Variants in SATB2 observed in about 807,000 individuals in gnomAD.
SATB2 encodes SATB homeobox 2.
Under a neutral mutation model 73.4 loss-of-function variants are expected in SATB2, and 1 was observed. That is an observed-to-expected ratio of 0.01 (90% CI 0.00 to 0.06). The LOEUF (loss-of-function observed/expected upper bound fraction) is 0.06. SATB2 is among the 10% of genes least tolerant of loss of function. The pLI, the probability that SATB2 is intolerant of heterozygous loss-of-function variation, is 1.00. For missense variants in SATB2, 459 were observed against 945.8 expected (o/e 0.49, Z 6.75); for synonymous variants, 397 against 367.0 (o/e 1.08, Z -0.93).
At chr2:199,466,466 C>T (rs1393413459), upstream of SATB2, among the ~76,000 whole-genome samples, 1 of 152,214 alleles carries the variant, frequency 6.6e-6, no homozygotes, top group Non-Finnish European at 1.5e-5. Flanking sequence ...GTCCCCCAAG[C>T]TGACCAAGTT....
intron 5 of SATB2, among the ~76,000 whole-genome samples, chr2:199,371,516 T>C (rs1689445546): frequency 6.6e-6 from 1 of 152,100 alleles, no homozygotes; most frequent in Non-Finnish European, 1.5e-5. Context: ...AGATCCATCT[T>C]ACAATCAATA....
At chr2:199,421,943 G>C (rs1320422456) in intron 3 of SATB2, among the ~76,000 whole-genome samples, 1 of 152,220 alleles carries the variant, frequency 6.6e-6, no homozygotes, top group Non-Finnish European at 1.5e-5. Context: ...AAATTACTCT[G>C]ATTGCCCAGC....
chr2:199,414,748 T>C (rs1690924149), intron 3 of SATB2, among the ~76,000 whole-genome samples: 1 of 152,136 alleles, frequency 6.6e-6, no homozygotes. Flanking sequence ...CGAAGCACCA[T>C]GTGGCATCTT....
Position 199,348,833 on chromosome 2 carries a change from T to G in SATB2, c.1041A>C (p.Arg347Ser). The G allele has an allele frequency of 6.2e-7, 1 of 1,614,066 alleles. No homozygotes were observed. Among genetic ancestry groups the G allele is most frequent in the South Asian group, 1.1e-5 (1 of 91,070 alleles). Reference protein sequence around the residue: ...QQFLNHPPIPRAVKPEPTNSS... With the variant: ...QQFLNHPPIPSAVKPEPTNSS... ...AGTTGGTTGGCTCTGGCTTAACTGC[T>G]CTGGGGATGGGTGGATGGTTCAGGA... The change falls in exon 7 of 11, where the codon AGA (arginine) becomes AGC (serine). Residue 347 changes from arginine (R) to serine (S), a missense_variant. Physicochemically the swap from Arg to Ser is moderately radical, Grantham distance 110 (BLOSUM62 -1). This residue lies in a region of SATB2 where 35 missense variants were observed against 55.3 expected (regional missense o/e 0.63). Transcript: ENST00000417098.
rs191531105 is a variant in SATB2 at position 199,397,920 on chromosome 2, G to A, written c.347-16100C>T. 1.6e-4 allele frequency: 44 copies of A among 268,136 alleles called. No homozygotes were observed. In the East Asian group the frequency reaches 5.7e-3, roughly 35 times the overall value. The allele number at this position is 268,136 out of a possible 1,614,324, so 16.6% of individuals were successfully genotyped here. A position where few individuals can be genotyped will look rare whatever the true frequency, so the allele number is the denominator to read the frequency against. Reference sequence around the variant, plus strand: ...ATATTTGAAAGACAGTAGTTTAGCAGAGTGCTATGGGACAAAAGAATGTTA... The same window carrying A: ...ATATTTGAAAGACAGTAGTTTAGCAAAGTGCTATGGGACAAAAGAATGTTA... On this transcript the variant is annotated intron_variant, in intron 3 of 10. Transcript: ENST00000417098.
chr2:199,297,141 A>G (rs1240896939), intron 10 of SATB2, among the ~76,000 whole-genome samples: 1 of 152,250 alleles, frequency 6.6e-6, no homozygotes, highest in Non-Finnish European at 1.5e-5. Context: ...AATTAAAATT[A>G]AATGGTTATA....
chr2:199,317,745 G>C (rs1159248814), intron 9 of SATB2, among the ~76,000 whole-genome samples: 2 of 151,888 alleles, frequency 1.3e-5, no homozygotes, highest in African/African-American at 2.4e-5. Context: ...GAATGTCTGA[G>C]GAGATTCCTT....
In SATB2 at chr2:199,272,631, G is replaced by A. The variant is rs762282391; in HGVS notation, c.1782C>T (p.Ser594=). The A allele has an allele frequency of 1.2e-6, 2 of 1,614,080 alleles. No homozygotes were observed. Among genetic ancestry groups the A allele is most frequent in the East Asian group, 4.5e-5 (2 of 44,876 alleles). Residue 594 remains serine (S), a synonymous_variant, in exon 11 of 11, where the codon TCC becomes TCT. Coordinates refer to ENST00000417098, the MANE Select transcript of SATB2 (RefSeq NM_001172509.2). The surrounding 1 kb of genome is among the most constrained non-coding windows in gnomAD (Gnocchi z 6.7). ...GGGGAGGCGCTTCTTCTCTGGGAGG[G>A]GAACTCTCCTTGGCTGGCTGAGACT... ...RQQSQPAKES[S]PPREEAPPPP... is the part of the protein sequence containing the mutation.
At chr2:199,357,342 T>C (rs1256018339) in intron 6 of SATB2, among the ~76,000 whole-genome samples, 1 of 152,224 alleles carries the variant, frequency 6.6e-6, no homozygotes, top group Non-Finnish European at 1.5e-5. Flanking sequence ...ATTCAAAAAG[T>C]GATGAAATCA....
intron 6 of SATB2, among the ~76,000 whole-genome samples, chr2:199,352,223 T>A (rs562028546): frequency 1.6e-4 from 25 of 152,328 alleles, no homozygotes; most frequent in African/African-American, 5.5e-4. Context: ...TCCTATAGAA[T>A]GCATTATTTG....
intron 10 of SATB2, among the ~76,000 whole-genome samples, chr2:199,298,369 G>A (rs1236482446): frequency 1.3e-5 from 2 of 152,000 alleles, no homozygotes; most frequent in Admixed American, 6.5e-5. Flanking sequence ...CAAACACCTC[G>A]CCATGCTTCC....
chr2:199,361,703 C>G (rs1689141901), intron 6 of SATB2, among the ~76,000 whole-genome samples: 1 of 151,840 alleles, frequency 6.6e-6, no homozygotes, highest in African/African-American at 2.4e-5. Context: ...CCTTCTCAGC[C>G]TTATTTTTCA....
At chr2:199,384,875 CT>C (rs1464003818) in intron 3 of SATB2, among the ~76,000 whole-genome samples, 1 of 152,030 alleles carries the variant, frequency 6.6e-6, no homozygotes, top group Non-Finnish European at 1.5e-5. Flanking sequence ...TTCTTTTGAC[CT>C]TTTTAATGTG....
At chr2:199,374,783 G>A (rs1689548965) in intron 5 of SATB2, among the ~76,000 whole-genome samples, 1 of 152,046 alleles carries the variant, frequency 6.6e-6, no homozygotes, top group African/African-American at 2.4e-5. Context: ...GGCTAACATG[G>A]TGAAACCTCA....
chr2:199,357,933 CATAAT>C (rs1407715160), intron 6 of SATB2, among the ~76,000 whole-genome samples: 1 of 152,078 alleles, frequency 6.6e-6, no homozygotes, highest in African/African-American at 2.4e-5. Context: ...TGCACACTCA[CATAAT>C]ATAACAGCTT....
chr2:199,348,467 T>C (rs1460055942), intron 7 of SATB2: 3 of 538,744 alleles, frequency 5.6e-6, no homozygotes, highest in Non-Finnish European at 9.9e-6. Context: ...GGTCCTGAGT[T>C]GCATGTTGGG....
chr2:199,410,487 G>A (rs895795069), intron 3 of SATB2, among the ~76,000 whole-genome samples: 4 of 152,172 alleles, frequency 2.6e-5, no homozygotes, highest in Non-Finnish European at 4.4e-5. Context: ...TTTGTGCCTC[G>A]TTGATCAGAA....
intron 7 of SATB2, among the ~76,000 whole-genome samples, chr2:199,338,665 C>T (rs1688410862): frequency 6.6e-6 from 1 of 152,046 alleles, no homozygotes; most frequent in East Asian, 1.9e-4. Context: ...CGCCTGTAAT[C>T]CCAGCACTTT....
At chr2:199,389,265 A>G (rs995935030) in intron 3 of SATB2, among the ~76,000 whole-genome samples, 6 of 152,172 alleles carry the variant, frequency 3.9e-5, no homozygotes, top group Admixed American at 2.0e-4. Context: ...GTGCCCCAGT[A>G]CAACTTGTTG....
Sources: allele counts gnomAD v4.1 joint callset (sites outside exome capture counted in the v4.1 genomes callset), GRCh38; gene constraint gnomAD v4.1.1; regional missense constraint gnomAD v4.1.1; non-coding constraint Gnocchi (gnomAD v3.1); transcripts MANE v1.5; gene names NCBI Gene and HGNC (gene_info 2026-07-23, HGNC 2026-07-21).